CORIN: variants seen among roughly 807,000 people sequenced by gnomAD.
CORIN encodes corin, serine peptidase.
CORIN carries 117 observed loss-of-function variants against 125.3 expected under a neutral mutation model. The ratio of observed to expected loss-of-function variants is 0.93; its 90% CI spans 0.80 to 1.09. The LOEUF is 1.09. CORIN is among the 50% of genes least tolerant of loss of function. CORIN has a pLI of 0.00. For synonymous variants in CORIN, 450 were observed against 466.4 expected (o/e 0.96, Z 0.45); for missense variants, 1,253 against 1,306.7 (o/e 0.96, Z 0.63).
chr4:47,770,552 GT>G (rs1350205128), intron 3 of CORIN, among the ~76,000 whole-genome samples: 1 of 151,914 alleles, frequency 6.6e-6, no homozygotes, highest in Non-Finnish European at 1.5e-5. Context: ...TAAAATCAGT[GT>G]TTTGAAGAGA....
intron 2 of CORIN, among the ~76,000 whole-genome samples, chr4:47,790,828 A>G (rs1731045331): frequency 6.6e-6 from 1 of 152,198 alleles, no homozygotes; most frequent in Non-Finnish European, 1.5e-5. Context: ...TGAGAAAACT[A>G]TGGCTTTTTC....
intron 1 of CORIN, among the ~76,000 whole-genome samples, chr4:47,819,300 A>G (rs1433273830): frequency 6.6e-6 from 1 of 152,230 alleles, no homozygotes; most frequent in African/African-American, 2.4e-5. Flanking sequence ...GGGAGACTTC[A>G]CAAAGGAAGT....
intron 10 of CORIN, among the ~76,000 whole-genome samples, chr4:47,668,228 T>A (rs1724568057): frequency 6.6e-6 from 1 of 152,176 alleles, no homozygotes. Flanking sequence ...GTTACAAGAT[T>A]TAAAAATGCA....
At chr4:47,723,977 CAG>C (rs1560520815) in intron 5 of CORIN, among the ~76,000 whole-genome samples, 1 of 121,584 alleles carries the variant, frequency 8.2e-6, no homozygotes, top group East Asian at 2.5e-4. Context: ...GCCTGGACGA[CAG>C]AGTGAGACTC....
At chr4:47,685,256 A>G (rs1229949224) in intron 6 of CORIN, among the ~76,000 whole-genome samples, 4 of 152,176 alleles carry the variant, frequency 2.6e-5, no homozygotes, top group Non-Finnish European at 4.4e-5. Context: ...CAAACACTGG[A>G]AAAAAATCCA....
At position 47,623,608 on chromosome 4, in the gene CORIN, T is replaced by G; in HGVS notation, c.2503A>C (p.Lys835Gln). 1.2e-6 allele frequency: 2 copies of G among 1,614,192 alleles called. No individual in the cohort carries two copies. The highest frequency in any genetic ancestry group is 1.7e-6 in the Non-Finnish European group (2 of 1,180,022). Residue 835 changes from lysine to glutamine, a missense_variant, in exon 19 of 22, where the codon AAG becomes CAG. Transcript: ENST00000273857. ...GHICGCVLIAKKWVLTVAHCF... is the reference protein window; with the variant it reads ...GHICGCVLIAQKWVLTVAHCF... ...TGGGCAACTGTCAGAACCCACTTCT[T>G]GGCAATGAGGACACAGCCACAGATA...
chr4:47,630,807 C>T (rs2109577749), intron 16 of CORIN, among the ~76,000 whole-genome samples: 1 of 152,320 alleles, frequency 6.6e-6, no homozygotes, highest in African/African-American at 2.4e-5. Context: ...CCTGTTACAA[C>T]ACAGATTTGT....
chr4:47,811,786 A>C (rs1732074383), intron 1 of CORIN, among the ~76,000 whole-genome samples: 1 of 152,232 alleles, frequency 6.6e-6, no homozygotes, highest in South Asian at 2.1e-4. Flanking sequence ...ATTTTTGTAC[A>C]TACAGTTTTA....
chr4:47,626,543 A>G (rs2109565381), intron 16 of CORIN, 22 bp from the exon 17 acceptor site: 1 of 1,371,104 alleles, frequency 7.3e-7, no homozygotes, highest in East Asian at 2.3e-5. Flanking sequence ...CAAATACTGG[A>G]TAAGTATTCA....
rs1438852912 is a variant in CORIN, at chr4:47,665,157, G to A, written c.1464C>T (p.Ser488=). ...GHRTQKEASI[S]WESSLFPALV... ...GTGCAGGGAAAAGAGAAGACTCCCA[G>A]CTGATGGATGCTTCCTTTTGAGTCC... is the stretch of plus-strand genomic sequence containing the variant. The change falls in exon 11 of 22, where the codon AGC becomes AGT. Residue 488 remains serine, a synonymous_variant. Coordinates refer to ENST00000273857, the MANE Select transcript of CORIN (RefSeq NM_006587.4). The A allele has an allele frequency of 6.2e-7, 1 of 1,613,692 alleles. No individual in the cohort carries two copies. The highest frequency in any genetic ancestry group is 8.5e-7 in the Non-Finnish European group (1 of 1,179,794).
At chr4:47,807,108 T>C (rs1368697843) in intron 1 of CORIN, 61 bp from the exon 2 acceptor site, 1 of 1,393,376 alleles carries the variant, frequency 7.2e-7, no homozygotes, top group Non-Finnish European at 1.0e-6. Context: ...TATGAAATTT[T>C]AGGTTACAGC....
At chr4:47,706,255 A>C in intron 5 of CORIN, 1 of 666,704 alleles carries the variant, frequency 1.5e-6, no homozygotes, top group Non-Finnish European at 2.5e-6. Context: ...CAGCTGTAGA[A>C]AAGTTCTTCC....
chr4:47,827,329 C>CA (rs1732787427), intron 1 of CORIN, among the ~76,000 whole-genome samples: 1 of 152,126 alleles, frequency 6.6e-6, no homozygotes, highest in East Asian at 1.9e-4. Context: ...AAAAAAAATA[C>CA]ATTTATCCAG....
intron 21 of CORIN, among the ~76,000 whole-genome samples, chr4:47,599,439 A>G (rs1049535105): frequency 1.0e-4 from 15 of 145,674 alleles, no homozygotes; most frequent in Middle Eastern, 3.4e-3. Flanking sequence ...GTAGGGAGCA[A>G]TTTACTCCCA....
At chr4:47,720,177 T>C (rs942896709) in intron 5 of CORIN, among the ~76,000 whole-genome samples, 2 of 152,208 alleles carry the variant, frequency 1.3e-5, no homozygotes, top group African/African-American at 4.8e-5. Context: ...AACAAAAGAC[T>C]TCATGAAATA....
intron 5 of CORIN, 99 bp from the exon 6 acceptor site, chr4:47,693,182 C>A: frequency 2.5e-6 from 2 of 795,952 alleles, no homozygotes; most frequent in South Asian, 1.8e-5. Context: ...TTTTGCTATT[C>A]AACAGATTTG....
intron 5 of CORIN, chr4:47,706,688 G>A: frequency 6.2e-7 from 1 of 1,608,738 alleles, no homozygotes. Flanking sequence ...GGAGGAGCGA[G>A]CTGGACGCCA....
intron 3 of CORIN, among the ~76,000 whole-genome samples, chr4:47,765,171 C>G (rs964634779): frequency 6.6e-6 from 1 of 151,406 alleles, no homozygotes; most frequent in South Asian, 2.1e-4. Context: ...ATTAGCCGGG[C>G]GTGGTGGCGG....
At chr4:47,602,095 G>A (rs768501317) in intron 20 of CORIN, among the ~76,000 whole-genome samples, 51 of 151,172 alleles carry the variant, frequency 3.4e-4, no homozygotes, top group Non-Finnish European at 3.8e-4. Flanking sequence ...GTGAAACCCC[G>A]TCTCACTAAA....
Sources: allele counts gnomAD v4.1 joint callset (sites outside exome capture counted in the v4.1 genomes callset), GRCh38; gene constraint gnomAD v4.1.1; transcripts MANE v1.5; gene names NCBI Gene and HGNC (gene_info 2026-07-23, HGNC 2026-07-21).